SPATA32: variants seen among roughly 807,000 people sequenced by gnomAD.
The protein encoded by SPATA32 is spermatogenesis associated 32, also known as spermatogenesis-associated protein 32.
A neutral mutation model predicts 35.4 loss-of-function variants in SPATA32; 28 were observed. That is an observed-to-expected ratio of 0.79 (90% CI 0.59 to 1.09). SPATA32 has a LOEUF of 1.09. Ranked by LOEUF, SPATA32 falls within the 50% of genes least tolerant of loss-of-function variation. SPATA32 has a pLI of 0.00. For synonymous variants in SPATA32, 168 were observed against 196.3 expected, an observed-to-expected ratio of 0.86 and a Z score of 1.20; for missense variants, 409 against 475.9, an observed-to-expected ratio of 0.86 and a Z score of 1.31.
chr17:45,257,276 C>G, intron 1 of SPATA32, 69 bp from the exon 2 acceptor site: 1 of 1,508,664 alleles, frequency 6.6e-7, no homozygotes, highest in Non-Finnish European at 9.0e-7. Flanking sequence ...GATTCCGGAG[C>G]CAGCCCCCTT....
Position 45,256,202 on chromosome 17 carries a change from C to T in SPATA32, c.109-129G>A. ...CTGTCTTCCCCCCGCCCCCTAACCCCATGCCTGCCTCCTCTCAGAGACCTG... is the reference window on the plus strand; with the variant it reads ...CTGTCTTCCCCCCGCCCCCTAACCCTATGCCTGCCTCCTCTCAGAGACCTG... On this transcript the variant is annotated intron_variant, in intron 3 of 4. Transcript: ENST00000331780. This position sits in a 1 kb window ranked among gnomAD's most constrained non-coding sequence, Gnocchi z 4.7. 2.3e-6 allele frequency: 3 copies of T among 1,280,304 alleles called. No individual in the cohort carries two copies. Among genetic ancestry groups the T allele is most frequent in the East Asian group, 2.3e-5 (1 of 43,180 alleles). 79.3% of individuals were successfully genotyped at this position (1,280,304 alleles called of 1,614,324 possible).
intron 1 of SPATA32, among the ~76,000 whole-genome samples, chr17:45,257,983 C>T (rs929020122): frequency 1.3e-5 from 2 of 152,180 alleles, no homozygotes; most frequent in African/African-American, 2.4e-5. Flanking sequence ...CTGCCCTGTT[C>T]TCTGCTACCC....
At chr17:45,254,653 A>G in intron 4 of SPATA32, 140 bp from the exon 5 acceptor site, 4 of 676,408 alleles carry the variant, frequency 5.9e-6, no homozygotes, top group Non-Finnish European at 1.0e-5. Context: ...CTGAGATTAC[A>G]TTCTGTGTCC....
chr17:45,255,514 G>T lies in SPATA32; in HGVS notation c.668C>A (p.Ala223Glu), dbSNP rs759270849. ...HSAPPTTSSQ[A>E]PSPLLSSDLP... ...ATCTGAGGACAGGAGGGGGCTTGGTGCCTGGGAGCTTGTGGTTGGAGGAGC... is the reference window on the plus strand; with the variant it reads ...ATCTGAGGACAGGAGGGGGCTTGGTTCCTGGGAGCTTGTGGTTGGAGGAGC... Residue 223 changes from alanine (A) to glutamate (E), a missense_variant, in exon 4 of 5, where the codon GCA (alanine) becomes GAA (glutamate). Coordinates refer to ENST00000331780, the MANE Select transcript of SPATA32 (RefSeq NM_152343.3). This position sits in a 1 kb window ranked among gnomAD's most constrained non-coding sequence, Gnocchi z 5.4. The T allele has an allele frequency of 1.9e-6, 3 of 1,614,008 alleles. No individual in the cohort carries two copies. The African/African-American group carries it at 4.0e-5, about 22-fold the overall frequency.
Position 45,256,319 on chromosome 17 carries a change from G to A in SPATA32, c.108+57C>T, listed in dbSNP as rs2043956752. 23 of 1,563,484 alleles carry A rather than the reference G, an allele frequency of 1.5e-5. No individual in the cohort carries two copies. Among genetic ancestry groups the A allele is most frequent in the Non-Finnish European group, 1.9e-5 (22 of 1,133,698 alleles). On this transcript the variant is annotated intron_variant, in intron 3 of 4. Transcript: ENST00000331780. The surrounding 1 kb of genome is among the most constrained non-coding windows in gnomAD (Gnocchi z 4.7). ...AGGGTAGGGGCTGGTGGGGACTTAG[G>A]GAAGAGCCCTGCCGCTTGCCTACCA...
In SPATA32 at chr17:45,257,206, A is replaced by C; in HGVS notation, c.15T>G (p.Gly5=). 6.2e-7 allele frequency: 1 copy of C among 1,610,492 alleles called. No homozygotes were observed. Among genetic ancestry groups the C allele is most frequent in the Non-Finnish European group, 8.5e-7 (1 of 1,178,482 alleles). ...TGCCGCAGCATGGAAATCCATGGGC[A>C]CCTGACAGGGGAAAGGAGGTGAGGG... MGVT[G]AHGFPCCGKG... is the part of the protein sequence containing the mutation. The change falls in exon 2 of 5, where the codon GGT becomes GGG. Residue 5 remains glycine, a splice_region_variant and synonymous_variant. Coordinates refer to ENST00000331780, the MANE Select transcript of SPATA32 (RefSeq NM_152343.3).
At chr17:45,258,154 G>C (rs137996453) in intron 1 of SPATA32, among the ~76,000 whole-genome samples, 1 of 152,130 alleles carries the variant, frequency 6.6e-6, no homozygotes, top group African/African-American at 2.4e-5. Flanking sequence ...AATGTACTGC[G>C]GTCTCTTCCT....
intron 1 of SPATA32, among the ~76,000 whole-genome samples, chr17:45,261,556 G>A (rs1052473709): frequency 2.6e-5 from 4 of 152,186 alleles, no homozygotes; most frequent in Non-Finnish European, 5.9e-5. Flanking sequence ...AGGCATCAAC[G>A]AAGCGCTCCG....
Position 45,256,245 on chromosome 17 carries a change from T to C in SPATA32, c.108+131A>G. The C allele has an allele frequency of 1.7e-6, 2 of 1,184,910 alleles. No homozygotes were observed. The highest frequency in any genetic ancestry group is 2.5e-6 in the Non-Finnish European group (2 of 797,594). 73.4% of individuals were successfully genotyped at this position (1,184,910 alleles called of 1,614,324 possible). A position where few individuals can be genotyped will look rare whatever the true frequency, so the allele number is the denominator to read the frequency against. ...GAGACCTGCCCGGTGAGGGGGTGTGTGTGTGGGTGTACCCACACCGGCCTG... is the reference window on the plus strand; with the variant it reads ...GAGACCTGCCCGGTGAGGGGGTGTGCGTGTGGGTGTACCCACACCGGCCTG... On this transcript the variant is annotated intron_variant, in intron 3 of 4. Transcript: ENST00000331780. This position sits in a 1 kb window ranked among gnomAD's most constrained non-coding sequence, Gnocchi z 4.7.
At position 45,255,707 on chromosome 17, in the gene SPATA32, A is replaced by G. The variant is rs2043949739; in HGVS notation, c.475T>C (p.Trp159Arg). The G allele has an allele frequency of 6.2e-6, 10 of 1,614,094 alleles. No individual in the cohort carries two copies. Among genetic ancestry groups the G allele is most frequent in the Non-Finnish European group, 8.5e-6 (10 of 1,180,036 alleles). ...ISAQTSKHLF[W>R]ANKLIQASEH... ...GAGGCCTGGATGAGCTTGTTTGCCC[A>G]GAAGAGGTGCTTGGAGGTCTGCGCA... Residue 159 changes from tryptophan (W) to arginine (R), a missense_variant, in exon 4 of 5, where the codon TGG becomes CGG. Transcript: ENST00000331780. The surrounding 1 kb of genome is among the most constrained non-coding windows in gnomAD (Gnocchi z 5.4).
At position 45,256,333 on chromosome 17, in the gene SPATA32, G is replaced by A. The variant is rs111535252; in HGVS notation, c.108+43C>T. The A allele has an allele frequency of 0.044, 69,494 of 1,594,304 alleles. 4,242 individuals carry two copies. Among genetic ancestry groups the A allele is most frequent in the African/African-American group, 0.29 (21,933 of 74,584 alleles). ...TGGGGACTTAGGGAAGAGCCCTGCC[G>A]CTTGCCTACCACCTCCCCGTAAGAG... On this transcript the variant is annotated intron_variant, in intron 3 of 4. Coordinates refer to ENST00000331780, the MANE Select transcript of SPATA32 (RefSeq NM_152343.3). This position sits in a 1 kb window ranked among gnomAD's most constrained non-coding sequence, Gnocchi z 4.7.
chr17:45,255,293 G>T lies in SPATA32; in HGVS notation c.889C>A (p.Pro297Thr), dbSNP rs140834644. Residue 297 changes from proline (P) to threonine (T), a missense_variant, in exon 4 of 5, where the codon CCA becomes ACA. Physicochemically the swap from Pro to Thr is conservative, Grantham distance 38 (BLOSUM62 -1). Coordinates refer to ENST00000331780, the MANE Select transcript of SPATA32 (RefSeq NM_152343.3). The surrounding 1 kb of genome is among the most constrained non-coding windows in gnomAD (Gnocchi z 5.4). ...REPENHAETLPEKPREARAPL... is the reference protein window; with the variant it reads ...REPENHAETLTEKPREARAPL... ...GCTCTGGCTTCGCGTGGTTTCTCTG[G>T]CAGGGTCTCTGCGTGATTTTCTGGC... 5.6e-6 allele frequency: 9 copies of T among 1,614,192 alleles called. No individual in the cohort carries two copies. Among genetic ancestry groups the T allele is most frequent in the South Asian group, 1.1e-5 (1 of 91,086 alleles).
At position 45,257,201 on chromosome 17, in the gene SPATA32, T is replaced by C. The variant is rs924770514; in HGVS notation, c.20A>G (p.His7Arg). The C allele has an allele frequency of 1.2e-6, 2 of 1,611,336 alleles. No individual in the cohort carries two copies. Among genetic ancestry groups the C allele is most frequent in the Non-Finnish European group, 1.7e-6 (2 of 1,178,950 alleles). MGVTGA[H>R]GFPCCGKGSV... is the part of the protein sequence containing the mutation. The stretch of plus-strand genomic sequence containing the variant: ...CCCTTTGCCGCAGCATGGAAATCCA[T>C]GGGCACCTGACAGGGGAAAGGAGGT... Residue 7 changes from histidine to arginine, a missense_variant, in exon 2 of 5, where the codon CAT becomes CGT. Transcript: ENST00000331780.
At chr17:45,260,214 G>T (rs1475380767) in intron 1 of SPATA32, 1 of 152,128 alleles carries the variant, frequency 6.6e-6, no homozygotes, top group Non-Finnish European at 1.5e-5. Context: ...GGGATTACAG[G>T]CGTGAGCCAC....
At chr17:45,261,873 G>GC (rs1442512027) in intron 1 of SPATA32, 131 bp downstream of exon 1, 1 of 1,069,918 alleles carries the variant, frequency 9.3e-7, no homozygotes. Context: ...CCTTTCAGGT[G>GC]CCGGGGGTTT....
intron 1 of SPATA32, among the ~76,000 whole-genome samples, chr17:45,259,126 T>G (rs1276838617): frequency 6.6e-6 from 1 of 152,180 alleles, no homozygotes; most frequent in Non-Finnish European, 1.5e-5. Context: ...CCAATCTGGT[T>G]CCTCTTATTT....
In SPATA32 at chr17:45,256,528, C is replaced by T; in HGVS notation, c.69-113G>A. The T allele has an allele frequency of 2.2e-6, 2 of 915,746 alleles. No individual in the cohort carries two copies. The highest frequency in any genetic ancestry group is 2.4e-5 in the East Asian group (1 of 41,624). The allele number at this position is 915,746 out of a possible 1,614,324, so 56.7% of individuals were successfully genotyped here. ...TTGTAACAGAAGCTGGCACGATGCA[C>T]CTCCCGCCGACCACCCCGCCACCAG... is the stretch of plus-strand genomic sequence containing the variant. On this transcript the variant is annotated intron_variant, in intron 2 of 4. Transcript: ENST00000331780. The surrounding 1 kb of genome is among the most constrained non-coding windows in gnomAD (Gnocchi z 4.7).
chr17:45,261,332 A>G (rs1278343535), intron 1 of SPATA32, among the ~76,000 whole-genome samples: 2 of 151,740 alleles, frequency 1.3e-5, no homozygotes, highest in Admixed American at 1.3e-4. Flanking sequence ...TGATCCTCCC[A>G]CCTCTGCCTC....
At position 45,255,177 on chromosome 17, in the gene SPATA32, T is replaced by G. The variant is rs1469563544; in HGVS notation, c.1005A>C (p.Lys335Asn). 11 of 1,614,216 alleles carry G rather than the reference T, an allele frequency of 6.8e-6. No individual in the cohort carries two copies. The highest frequency in any genetic ancestry group is 8.5e-6 in the Non-Finnish European group (10 of 1,180,032). The change falls in exon 4 of 5, where the codon AAA (lysine) becomes AAC (asparagine). Residue 335 changes from lysine to asparagine, a missense_variant. Lys to Asn is a moderately conservative substitution (Grantham distance 94, BLOSUM62 0). Coordinates refer to ENST00000331780, the MANE Select transcript of SPATA32 (RefSeq NM_152343.3). The surrounding 1 kb of genome is among the most constrained non-coding windows in gnomAD (Gnocchi z 5.4). ...SKPGIKRATI[K>N]GQIQLLQPPA... ...GTGGCTGGAGAAGCTGGATTTGCCCTTTGATGGTGGCCCTCTTGATCCCCG... is the reference window on the plus strand; with the variant it reads ...GTGGCTGGAGAAGCTGGATTTGCCCGTTGATGGTGGCCCTCTTGATCCCCG...
Sources: gnomAD v4.1 joint callset for allele counts (sites outside exome capture counted in the v4.1 genomes callset) on GRCh38, gnomAD v4.1.1 for gene constraint, Gnocchi (gnomAD v3.1) non-coding constraint, MANE v1.5 for transcripts, NCBI Gene and HGNC (gene_info 2026-07-23, HGNC 2026-07-21) for gene names.